Variants in TXNRD3 observed in about 807,000 individuals in gnomAD.
TXNRD3 encodes the protein TXNRD3 neighbor gene protein.
In TXNRD3, 68 loss-of-function variants were observed where a neutral mutation model predicts 78.2. The ratio of observed to expected loss-of-function variants is 0.87; its 90% CI spans 0.72 to 1.06. The LOEUF (loss-of-function observed/expected upper bound fraction) is 1.06, where lower values mean the gene tolerates loss of function less well. Among genes scored for constraint, TXNRD3 ranks in the 50% least tolerant of loss-of-function variants. The pLI is 0.00. For missense variants in TXNRD3, 751 were observed against 809.5 expected (o/e 0.93, Z 0.88); for synonymous variants, 296 against 300.1 (o/e 0.99, Z 0.14).
chr3:126,609,963 A>G (rs1231149251), intron 14 of TXNRD3, among the ~76,000 whole-genome samples: 1 of 152,192 alleles, frequency 6.6e-6, no homozygotes, highest in African/African-American at 2.4e-5. Flanking sequence ...TCTGTCCCAA[A>G]GAATCAGGAT....
At chr3:126,640,094 C>CTTTTTTTTTTT (rs747114940) in intron 6 of TXNRD3, among the ~76,000 whole-genome samples, 1 of 14,320 alleles carries the variant, frequency 7.0e-5, no homozygotes, top group African/African-American at 1.7e-4. Flanking sequence ...CTTGTGTTTT[C>CTTTTTTTTTTT]TTTTTTTTTT....
Position 126,654,960 on chromosome 3 carries a change from G to A in TXNRD3, c.31C>T (p.Pro11Ser), listed in dbSNP as rs1325821697. The change falls in exon 1 of 16, where the codon CCG becomes TCG. Residue 11 changes from proline to serine, a missense_variant. Pro to Ser is a moderately conservative substitution (Grantham distance 74). Coordinates refer to ENST00000524230, the MANE Select transcript of TXNRD3 (RefSeq NM_052883.3). ...TTGGGGGCATCGCCCGCCTTTCCCG[G>A]CCCGGGCGACTGCGGCGGCGACCGC... The A allele has an allele frequency of 7.7e-7, 1 of 1,298,020 alleles. No homozygotes were observed. Among genetic ancestry groups the A allele is most frequent in the Non-Finnish European group, 9.7e-7 (1 of 1,028,038 alleles). 80.4% of individuals were successfully genotyped at this position (1,298,020 alleles called of 1,614,324 possible).
chr3:126,628,879 T>C (rs923451837), intron 10 of TXNRD3, among the ~76,000 whole-genome samples: 5 of 152,066 alleles, frequency 3.3e-5, no homozygotes, highest in Non-Finnish European at 5.9e-5. Flanking sequence ...ACTGAAAAAA[T>C]TTCTACATAA....
intron 1 of TXNRD3, among the ~76,000 whole-genome samples, chr3:126,650,800 G>A (rs1227989606): frequency 6.6e-6 from 1 of 152,112 alleles, no homozygotes; most frequent in African/African-American, 2.4e-5. Flanking sequence ...TTAACTAGAT[G>A]CTCTTTCTTA....
intron 12 of TXNRD3, among the ~76,000 whole-genome samples, chr3:126,620,122 C>T (rs1001630406): frequency 1.3e-5 from 2 of 151,938 alleles, no homozygotes; most frequent in African/African-American, 2.4e-5. Context: ...AGTGAAACCC[C>T]GTCTCAACTA....
In TXNRD3 at chr3:126,633,981, C is replaced by G. The variant is rs144558001; in HGVS notation, c.783G>C (p.Arg261Ser). 5.4e-4 allele frequency: 819 copies of G among 1,527,082 alleles called. 3 individuals are homozygous for G. The highest frequency in any genetic ancestry group is 4.6e-3 in the South Asian group (380 of 82,150). The allele number at this position is 1,527,082 out of a possible 1,614,324, so 94.6% of individuals were successfully genotyped here. The change falls in exon 7 of 16, where the codon AGG becomes AGC. Residue 261 changes from arginine to serine, a missense_variant. Transcript: ENST00000524230. ...CCACAGCCTTTTCCCTCAGAGACAACCTGTAGCCCCAGTTTAGAGAGCTGA... is the reference window on the plus strand; with the variant it reads ...CCACAGCCTTTTCCCTCAGAGACAAGCTGTAGCCCCAGTTTAGAGAGCTGA...
chr3:126,644,300 C>A lies in TXNRD3; in HGVS notation c.516G>T (p.Ala172=). 6.5e-7 allele frequency: 1 copy of A among 1,535,518 alleles called. No individual in the cohort carries two copies. The highest frequency in any genetic ancestry group is 1.4e-5 in the African/African-American group (1 of 73,060). The change falls in exon 4 of 16, where the codon GCG becomes GCT. Residue 172 remains alanine (A), a synonymous_variant. Coordinates refer to ENST00000524230, the MANE Select transcript of TXNRD3 (RefSeq NM_052883.3). ...AGTTTCATTTCTATATTCATACCTT[C>A]GCACATGAAAGGCCTCCAGAACCAC...
chr3:126,612,758 TA>T (rs1425680940), intron 13 of TXNRD3, among the ~76,000 whole-genome samples: 2 of 152,218 alleles, frequency 1.3e-5, no homozygotes, highest in East Asian at 3.8e-4. Flanking sequence ...TTACTATATT[TA>T]AATTTCTTAC....
chr3:126,615,484 T>C (rs868110773), intron 12 of TXNRD3, 22 bp from the exon 13 acceptor site: 3 of 1,254,624 alleles, frequency 2.4e-6, no homozygotes, highest in Middle Eastern at 1.9e-4. Flanking sequence ...ACAAATTACA[T>C]TGTCTTATTT....
intron 4 of TXNRD3, 85 bp from the exon 5 acceptor site, chr3:126,644,138 CT>C: frequency 6.9e-7 from 1 of 1,444,374 alleles, no homozygotes; most frequent in Non-Finnish European, 9.4e-7. Context: ...CCGTAAAAGA[CT>C]GTTTTTGTGT....
intron 6 of TXNRD3, 91 bp from the exon 7 acceptor site, chr3:126,634,142 G>A: frequency 8.5e-7 from 1 of 1,172,938 alleles, no homozygotes; most frequent in Non-Finnish European, 1.1e-6. Flanking sequence ...TACTAACAGT[G>A]CTTTAAAAAT....
At chr3:126,616,100 C>A (rs1938313445) in intron 12 of TXNRD3, among the ~76,000 whole-genome samples, 3 of 152,122 alleles carry the variant, frequency 2.0e-5, no homozygotes, top group African/African-American at 7.2e-5. Context: ...CAGACTGAGT[C>A]AGAGAAGAAT....
At chr3:126,653,308 T>A (rs1251116516) in intron 1 of TXNRD3, among the ~76,000 whole-genome samples, 1 of 152,234 alleles carries the variant, frequency 6.6e-6, no homozygotes, top group Non-Finnish European at 1.5e-5. Flanking sequence ...GCACTTACTG[T>A]ATACATAACC....
intron 3 of TXNRD3, among the ~76,000 whole-genome samples, chr3:126,645,433 A>T (rs920637794): frequency 1.3e-5 from 2 of 152,366 alleles, no homozygotes; most frequent in African/African-American, 4.8e-5. Context: ...CTAATAAAGC[A>T]GATTGTTACT....
At chr3:126,621,083 G>A (rs1293515646) in intron 12 of TXNRD3, among the ~76,000 whole-genome samples, 1 of 152,162 alleles carries the variant, frequency 6.6e-6, no homozygotes, top group East Asian at 1.9e-4. Flanking sequence ...CCTTAGCCGA[G>A]TTATCTGCCC....
At chr3:126,640,380 T>G (rs1195782223) in intron 6 of TXNRD3, among the ~76,000 whole-genome samples, 1 of 143,630 alleles carries the variant, frequency 7.0e-6, no homozygotes, top group African/African-American at 2.5e-5. Context: ...GTGCTGGGAT[T>G]ACAGGCGTGA....
rs115053647 is a variant in TXNRD3, at chr3:126,645,074, C to A, written c.415-673G>T. 3.9e-3 allele frequency among the ~76,000 whole-genome samples: 598 copies of A among 152,312 alleles called. 4 individuals carry two copies. Among genetic ancestry groups the A allele is most frequent in the African/African-American group, 0.014 (578 of 41,576 alleles). On this transcript the variant is annotated intron_variant, in intron 3 of 15. Coordinates refer to ENST00000524230, the MANE Select transcript of TXNRD3 (RefSeq NM_052883.3). ...CCATTACCTTGGCTTTAGACAAATA[C>A]CATGATCAAACTAGCCCTTCCTGTA...
intron 6 of TXNRD3, among the ~76,000 whole-genome samples, chr3:126,635,866 T>C (rs1232829685): frequency 6.6e-6 from 1 of 152,178 alleles, no homozygotes; most frequent in Non-Finnish European, 1.5e-5. Context: ...CACATACATA[T>C]ATATACACAT....
chr3:126,638,626 C>A (rs905286037), intron 6 of TXNRD3, among the ~76,000 whole-genome samples: 4 of 151,948 alleles, frequency 2.6e-5, no homozygotes, highest in Non-Finnish European at 5.9e-5. Flanking sequence ...CCAAGCTACT[C>A]GGGAGGCTGA....
Sources: allele counts gnomAD v4.1 joint callset (sites outside exome capture counted in the v4.1 genomes callset), GRCh38; gene constraint gnomAD v4.1.1; transcripts MANE v1.5; gene names NCBI Gene and HGNC (gene_info 2026-07-23, HGNC 2026-07-21).